Variants in PTDSS2 observed in about 807,000 individuals in gnomAD.
The protein encoded by PTDSS2 is PSS-2.
Under a neutral mutation model 64.7 loss-of-function variants are expected in PTDSS2, and 41 were observed. That is an observed-to-expected ratio of 0.63 (90% confidence interval 0.49 to 0.82). The LOEUF (loss-of-function observed/expected upper bound fraction) is 0.82, where lower values mean the gene tolerates loss of function less well. PTDSS2 is among the 40% of genes least tolerant of loss of function. The probability of loss-of-function intolerance (pLI) is 0.00; values close to 1 mark genes in which losing one functional copy is unlikely to be tolerated. For missense variants in PTDSS2, 485 were observed against 650.0 expected, an observed-to-expected ratio of 0.75 and a Z score of 2.76; for synonymous variants, 297 against 277.8, an observed-to-expected ratio of 1.07 and a Z score of -0.69.
chr11:450,372 G>C lies in PTDSS2; in HGVS notation c.-84G>C. On this transcript the variant is annotated 5_prime_UTR_variant, in exon 1 of 12. Transcript: ENST00000308020. The stretch of plus-strand genomic sequence containing the variant: ...GCGACCCCTTCCCAGCGCTCCTCGC[G>C]CTGTGTGCGGCGCGTCCTCTCGCCG... 8.6e-7 allele frequency: 1 copy of C among 1,158,322 alleles called. No individual in the cohort carries two copies. Among genetic ancestry groups the C allele is most frequent in the Non-Finnish European group, 1.1e-6 (1 of 925,530 alleles). 71.8% of individuals were successfully genotyped at this position (1,158,322 alleles called of 1,614,324 possible).
intron 11 of PTDSS2, 83 bp from the exon 12 acceptor site, chr11:490,337 C>G: frequency 1.3e-6 from 2 of 1,583,878 alleles, no homozygotes; most frequent in South Asian, 2.2e-5. Context: ...CGGACCTCCA[C>G]AGGGACTAGG....
chr11:466,715 G>A (rs1847159715), intron 2 of PTDSS2, among the ~76,000 whole-genome samples: 1 of 151,998 alleles, frequency 6.6e-6, no homozygotes, highest in Non-Finnish European at 1.5e-5. Context: ...GGCCAAAACT[G>A]CCGCTTCTAA....
rs764864887 is a variant in PTDSS2 at position 489,589 on chromosome 11, T to A, written c.971T>A (p.Phe324Tyr). 25 of 1,602,492 alleles carry A rather than the reference T, an allele frequency of 1.6e-5. No homozygotes were observed. Among genetic ancestry groups the A allele is most frequent in the African/African-American group, 2.7e-5 (2 of 74,694 alleles). The part of the protein sequence containing the change: ...WLAVCGIILV[F>Y]LLAELNTFYL... The stretch of plus-strand genomic sequence containing the variant: ...GGTGCTCACCCTCTCCTCCCCTAGT[T>A]CCTGTTGGCAGAACTGAACACGTTC... The change falls in exon 10 of 12, where the codon TTC (phenylalanine) becomes TAC (tyrosine). Residue 324 changes from phenylalanine (F) to tyrosine (Y), a missense_variant and splice_region_variant. By Grantham distance (22) the Phe-to-Tyr change is conservative. Coordinates refer to ENST00000308020, the MANE Select transcript of PTDSS2 (RefSeq NM_030783.3).
chr11:465,754 C>CA (rs1847110776), intron 2 of PTDSS2, among the ~76,000 whole-genome samples: 1 of 89,768 alleles, frequency 1.1e-5, no homozygotes, highest in Admixed American at 9.2e-5. Context: ...GTGAGGACCA[C>CA]CCCCCCCCCA....
At chr11:486,437 T>G (rs1338729070) in intron 4 of PTDSS2, among the ~76,000 whole-genome samples, 1 of 152,162 alleles carries the variant, frequency 6.6e-6, no homozygotes. Context: ...TGGGGTGTCG[T>G]GCCTGGGGGT....
rs979317246 is a variant in PTDSS2, at chr11:483,914, GAT to G, written c.436-3024_436-3023del. On this transcript the variant is annotated intron_variant, in intron 4 of 11. Transcript: ENST00000308020. ...GCTGTGGACCTTGACTGCCTGGCGA[GAT>G]GTGTCTGTCAGGCTTTCCACTGTCA... Among the ~76,000 whole-genome samples the G allele has an allele frequency of 5.3e-5, 8 of 152,290 alleles. No homozygotes were observed. The South Asian group carries it at 6.2e-4, about 12-fold the overall frequency.
chr11:471,052 C>G (rs1564974392), intron 2 of PTDSS2, among the ~76,000 whole-genome samples: 1 of 151,566 alleles, frequency 6.6e-6, no homozygotes. Context: ...GCACTTCCCT[C>G]ATTCTTACCC....
chr11:488,166 G>C, intron 6 of PTDSS2, 33 bp from the exon 7 acceptor site: 1 of 1,517,230 alleles, frequency 6.6e-7, no homozygotes, highest in Non-Finnish European at 9.1e-7. Flanking sequence ...TGTGGCCGGC[G>C]TCCCATACTC....
chr11:455,503 T>G (rs1168042384), intron 1 of PTDSS2, among the ~76,000 whole-genome samples: 1 of 152,196 alleles, frequency 6.6e-6, no homozygotes, highest in Non-Finnish European at 1.5e-5. Context: ...CTGGAGCCCC[T>G]TGACCTTGTT....
At chr11:487,710 A>G (rs1223466510) in intron 6 of PTDSS2, among the ~76,000 whole-genome samples, 1 of 152,176 alleles carries the variant, frequency 6.6e-6, no homozygotes, top group Non-Finnish European at 1.5e-5. Flanking sequence ...GCGGCAGGGC[A>G]GGAAGTCCCG....
At chr11:457,537 G>A (rs1257333934) in intron 1 of PTDSS2, among the ~76,000 whole-genome samples, 1 of 152,234 alleles carries the variant, frequency 6.6e-6, no homozygotes, top group African/African-American at 2.4e-5. Flanking sequence ...CTCCCAAGGG[G>A]CGTGTCTTTG....
At chr11:482,157 C>T (rs1274818329) in intron 4 of PTDSS2, among the ~76,000 whole-genome samples, 2 of 151,396 alleles carry the variant, frequency 1.3e-5, no homozygotes, top group Non-Finnish European at 2.9e-5. Context: ...ATGTCTTTTA[C>T]TTCTTTGCGT....
intron 2 of PTDSS2, 67 bp from the exon 3 acceptor site, chr11:473,828 C>T: frequency 1.6e-6 from 2 of 1,244,132 alleles, no homozygotes; most frequent in Non-Finnish European, 2.4e-6. Flanking sequence ...GGGGTCCCTG[C>T]AGCCTCCCAC....
At chr11:455,046 TG>T (rs1168828972) in intron 1 of PTDSS2, among the ~76,000 whole-genome samples, 1 of 151,046 alleles carries the variant, frequency 6.6e-6, no homozygotes, top group Non-Finnish European at 1.5e-5. Context: ...GTGTGTGGAG[TG>T]GTGGCATTCT....
At position 460,428 on chromosome 11, in the gene PTDSS2, G is replaced by C; in HGVS notation, c.284+140G>C. On this transcript the variant is annotated intron_variant, in intron 2 of 11. Transcript: ENST00000308020. The surrounding 1 kb of genome is among the most constrained non-coding windows in gnomAD (Gnocchi z 5.8). ...GTGGGGCCGCCGGCCTCTCCCTTGA[G>C]TGTGTCTGATGTGCAGACTCCAGGG... The C allele has an allele frequency of 4.4e-6, 3 of 675,262 alleles. No homozygotes were observed. The highest frequency in any genetic ancestry group is 1.7e-5 in the South Asian group (1 of 57,156). The allele number at this position is 675,262 out of a possible 1,614,324, so 41.8% of individuals were successfully genotyped here. A position where few individuals can be genotyped will look rare whatever the true frequency, so the allele number is the denominator to read the frequency against.
chr11:456,395 T>C (rs1378604962), intron 1 of PTDSS2, among the ~76,000 whole-genome samples: 1 of 151,366 alleles, frequency 6.6e-6, no homozygotes, highest in Non-Finnish European at 1.5e-5. Context: ...CGAGCTGGTC[T>C]CCAACTCCTG....
chr11:458,412 A>G (rs1334455519), intron 1 of PTDSS2, among the ~76,000 whole-genome samples: 2 of 149,710 alleles, frequency 1.3e-5, no homozygotes, highest in Non-Finnish European at 1.5e-5. Flanking sequence ...TCACCGTGTT[A>G]GCCAGGATGG....
intron 3 of PTDSS2, among the ~76,000 whole-genome samples, chr11:475,579 G>T (rs1177134936): frequency 6.6e-6 from 1 of 152,054 alleles, no homozygotes; most frequent in African/African-American, 2.4e-5. Context: ...GCGTTTGTGT[G>T]TACAGACATA....
At chr11:475,089 T>C (rs867217709) in intron 3 of PTDSS2, among the ~76,000 whole-genome samples, 4 of 151,998 alleles carry the variant, frequency 2.6e-5, no homozygotes, top group South Asian at 2.1e-4. Flanking sequence ...CACGTGTTTG[T>C]GTGTGGGACA....
Sources: allele counts gnomAD v4.1 joint callset (sites outside exome capture counted in the v4.1 genomes callset), GRCh38; gene constraint gnomAD v4.1.1; non-coding constraint Gnocchi (gnomAD v3.1); transcripts MANE v1.5; gene names NCBI Gene and HGNC (gene_info 2026-07-23, HGNC 2026-07-21).